Variants in HS6ST3 observed in about 807,000 individuals in gnomAD.
The protein encoded by HS6ST3 is heparan-sulfate 6-O-sulfotransferase 3.
Under a neutral mutation model 36.7 loss-of-function variants are expected in HS6ST3, and 12 were observed. That is an observed-to-expected ratio of 0.33 (90% CI 0.21 to 0.53). HS6ST3 has a LOEUF of 0.53. HS6ST3 is among the 20% of genes least tolerant of loss of function. HS6ST3 has a pLI of 0.95. For missense variants in HS6ST3, 584 were observed against 640.9 expected, an observed-to-expected ratio of 0.91 and a Z score of 0.96; for synonymous variants, 240 against 257.5, an observed-to-expected ratio of 0.93 and a Z score of 0.65.
chr13:96,617,336 T>G (rs2056478289), intron 1 of HS6ST3, among the ~76,000 whole-genome samples: 2 of 152,224 alleles, frequency 1.3e-5, no homozygotes, highest in African/African-American at 4.8e-5. Context: ...ATTGATTCTA[T>G]TTTTCTATTA....
chr13:96,196,003 C>T (rs999811933), intron 1 of HS6ST3, among the ~76,000 whole-genome samples: 1 of 151,958 alleles, frequency 6.6e-6, no homozygotes, highest in African/African-American at 2.4e-5. Context: ...AGGAACCAAA[C>T]AATTTCTTTC....
chr13:96,254,484 TATATATATATATATACACATACATACAC>T (rs2054626327), intron 1 of HS6ST3, among the ~76,000 whole-genome samples: 1 of 18,602 alleles, frequency 5.4e-5, no homozygotes, highest in Non-Finnish European at 9.6e-5. Flanking sequence ...TATATATATA[TATATATATATATATACACATACATACAC>T]ACACACACTT....
chr13:96,648,288 A>G (rs914832759), intron 1 of HS6ST3, among the ~76,000 whole-genome samples: 11 of 151,966 alleles, frequency 7.2e-5, no homozygotes, highest in African/African-American at 2.7e-4. Flanking sequence ...TGTCTAACCA[A>G]CCATCTCTCA....
At chr13:96,125,910 C>A (rs181508352) in intron 1 of HS6ST3, among the ~76,000 whole-genome samples, 1 of 151,906 alleles carries the variant, frequency 6.6e-6, no homozygotes, top group African/African-American at 2.4e-5. Flanking sequence ...AGGTATATCT[C>A]CTAAAGCTAT....
At chr13:96,134,029 T>G (rs2053989404) in intron 1 of HS6ST3, among the ~76,000 whole-genome samples, 1 of 152,184 alleles carries the variant, frequency 6.6e-6, no homozygotes. Flanking sequence ...CATCATTTAA[T>G]GAAGAGACTG....
intron 1 of HS6ST3, among the ~76,000 whole-genome samples, chr13:96,151,431 T>G (rs576539347): frequency 2.7e-5 from 4 of 148,664 alleles, no homozygotes; most frequent in Non-Finnish European, 5.9e-5. Context: ...AGAGACTGTC[T>G]GGATACAAAA....
At chr13:96,737,517 C>T (rs1165639941) in intron 1 of HS6ST3, among the ~76,000 whole-genome samples, 2 of 147,628 alleles carry the variant, frequency 1.4e-5, no homozygotes, top group Non-Finnish European at 3.0e-5. Context: ...CCCAGCTACT[C>T]GGGAGGCTGA....
rs138509279 is a variant in HS6ST3 at position 96,335,360 on chromosome 13, A to G, written c.707+243791A>G. 4.6e-5 allele frequency among the ~76,000 whole-genome samples: 7 copies of G among 152,310 alleles called. 1 individual carries two copies. Among genetic ancestry groups the G allele is most frequent in the African/African-American group, 1.7e-4 (7 of 41,580 alleles). On this transcript the variant is annotated intron_variant, in intron 1 of 1. Transcript: ENST00000376705. ...ATGGTATATTTACTGACAACACCAT[A>G]TTCGTCATTCAGTGGTTTGAACTGA...
At chr13:96,626,618 A>T (rs2056513329) in intron 1 of HS6ST3, among the ~76,000 whole-genome samples, 1 of 152,076 alleles carries the variant, frequency 6.6e-6, no homozygotes, top group African/African-American at 2.4e-5. Flanking sequence ...TCCATGTAAA[A>T]TTCTGAACCT....
At chr13:96,113,697 A>G (rs927893852) in intron 1 of HS6ST3, among the ~76,000 whole-genome samples, 2 of 152,190 alleles carry the variant, frequency 1.3e-5, no homozygotes, top group African/African-American at 4.8e-5. Context: ...GTTTTTGGAA[A>G]GGAGTCTGAC....
intron 1 of HS6ST3, among the ~76,000 whole-genome samples, chr13:96,827,790 C>T (rs958187958): frequency 6.6e-6 from 1 of 152,090 alleles, no homozygotes; most frequent in African/African-American, 2.4e-5. Flanking sequence ...CCATTTTAAG[C>T]CTAAACCAGT....
chr13:96,366,273 C>T (rs937792785), intron 1 of HS6ST3, among the ~76,000 whole-genome samples: 12 of 152,112 alleles, frequency 7.9e-5, no homozygotes, highest in Admixed American at 2.0e-4. Flanking sequence ...GTCAGGAGTT[C>T]GAGACCAGCC....
At chr13:96,763,336 A>G (rs1292000074) in intron 1 of HS6ST3, among the ~76,000 whole-genome samples, 1 of 149,994 alleles carries the variant, frequency 6.7e-6, no homozygotes, top group Non-Finnish European at 1.5e-5. Flanking sequence ...GAATATATTT[A>G]TATAACTAGC....
chr13:96,154,677 C>T (rs1263270709), intron 1 of HS6ST3, among the ~76,000 whole-genome samples: 7 of 152,010 alleles, frequency 4.6e-5, no homozygotes, highest in Middle Eastern at 3.4e-3. Flanking sequence ...ATAAAATAAC[C>T]ATGAGAAATA....
At chr13:96,727,266 C>T (rs1876027923) in intron 1 of HS6ST3, among the ~76,000 whole-genome samples, 2 of 152,094 alleles carry the variant, frequency 1.3e-5, no homozygotes, top group South Asian at 4.1e-4. Flanking sequence ...ATATTATGGG[C>T]TTGCTGTGAA....
At chr13:96,767,618 G>A (rs954656407) in intron 1 of HS6ST3, among the ~76,000 whole-genome samples, 2 of 152,144 alleles carry the variant, frequency 1.3e-5, no homozygotes, top group South Asian at 2.1e-4. Flanking sequence ...TGGATGCTGT[G>A]GCAAATACAG....
chr13:96,612,738 A>C (rs1364301107), intron 1 of HS6ST3, among the ~76,000 whole-genome samples: 4 of 152,010 alleles, frequency 2.6e-5, no homozygotes, highest in Non-Finnish European at 4.4e-5. Context: ...TACCTAATAA[A>C]ATTGCCCTTC....
chr13:96,485,504 C>G (rs144957995), intron 1 of HS6ST3, among the ~76,000 whole-genome samples: 166 of 152,206 alleles, frequency 1.1e-3, no homozygotes, highest in African/African-American at 3.9e-3. Flanking sequence ...GAATTTTCAT[C>G]ATAGATAATC....
At chr13:96,615,995 A>G (rs1281355178) in intron 1 of HS6ST3, among the ~76,000 whole-genome samples, 1 of 152,212 alleles carries the variant, frequency 6.6e-6, no homozygotes, top group African/African-American at 2.4e-5. Context: ...ACTTTCAGAT[A>G]TTGCAGATTA....
Sources: gnomAD v4.1 joint callset for allele counts (sites outside exome capture counted in the v4.1 genomes callset) on GRCh38, gnomAD v4.1.1 for gene constraint, MANE v1.5 for transcripts, NCBI Gene and HGNC (gene_info 2026-07-23, HGNC 2026-07-21) for gene names.